Variants in MFSD11 observed in about 807,000 individuals in gnomAD.
MFSD11 encodes the protein major facilitator superfamily domain containing 11, also known as UNC93-like protein MFSD11.
MFSD11 carries 36 observed loss-of-function variants against 53.5 expected under a neutral mutation model. That is an observed-to-expected ratio of 0.67 (90% CI 0.52 to 0.89). The LOEUF (loss-of-function observed/expected upper bound fraction) is 0.89. MFSD11 is among the 40% of genes least tolerant of loss of function. The pLI is 0.00. For missense variants in MFSD11, 530 were observed against 543.9 expected (o/e 0.97, Z 0.25); for synonymous variants, 186 against 184.9 (o/e 1.01, Z -0.05).
chr17:76,802,388 C>G, the MFSD11 span, among the ~76,000 whole-genome samples: 9 of 152,210 alleles, frequency 5.9e-5, no homozygotes, highest in Non-Finnish European at 1.0e-4. Context: ...AATGGTACAT[C>G]TATTTTGGAA....
the MFSD11 span, among the ~76,000 whole-genome samples, chr17:76,789,884 G>A: frequency 1.3e-5 from 2 of 149,932 alleles, no homozygotes; most frequent in African/African-American, 4.9e-5. Flanking sequence ...TGCAGAGTTT[G>A]GTTTTGTTCA....
chr17:76,737,609 A>G, upstream of MFSD11: 1 of 214,886 alleles, frequency 4.7e-6, no homozygotes, highest in Non-Finnish European at 9.4e-6. Flanking sequence ...GCGATTGGGC[A>G]GGAGGAAGAG....
intron 11 of MFSD11, 83 bp downstream of exon 11, chr17:76,775,254 T>A: frequency 2.3e-6 from 3 of 1,318,392 alleles, no homozygotes; most frequent in Non-Finnish European, 3.2e-6. Context: ...GAGCAGTTAA[T>A]CCTCTTCAGA....
chr17:76,753,258 G>A (rs545450106), intron 7 of MFSD11, among the ~76,000 whole-genome samples: 5 of 148,456 alleles, frequency 3.4e-5, no homozygotes, highest in Non-Finnish European at 7.3e-5. Context: ...CACATCCAAA[G>A]TAACCACCTC....
intron 8 of MFSD11, among the ~76,000 whole-genome samples, chr17:76,755,105 T>A (rs1239840838): frequency 6.6e-6 from 1 of 151,750 alleles, no homozygotes; most frequent in East Asian, 1.9e-4. Context: ...TGGTCCCAGC[T>A]ATTTGGGAGA....
At chr17:76,744,906 G>A (rs1488671176) in intron 7 of MFSD11, among the ~76,000 whole-genome samples, 1 of 152,208 alleles carries the variant, frequency 6.6e-6, no homozygotes, top group Admixed American at 6.5e-5. Context: ...TGTCACAGAT[G>A]AACCTTGGTT....
chr17:76,737,198 C>G (rs753168772), upstream of MFSD11: 276 of 1,508,664 alleles, frequency 1.8e-4, no homozygotes, highest in Admixed American at 2.3e-4. Flanking sequence ...CGAACTGGCG[C>G]CGGCTTCCTC....
At chr17:76,792,418 G>A in the MFSD11 span, among the ~76,000 whole-genome samples, 1 of 150,418 alleles carries the variant, frequency 6.6e-6, no homozygotes, top group Non-Finnish European at 1.5e-5. Context: ...TGCACCCGGT[G>A]TAGGCGTTCT....
chr17:76,783,283 GTGTT>G (rs561702967), downstream of MFSD11, among the ~76,000 whole-genome samples: 121 of 152,222 alleles, frequency 7.9e-4, no homozygotes, highest in South Asian at 0.013. Context: ...TCTCCCATGG[GTGTT>G]TGTTTGTGTG....
At chr17:76,758,020 C>A (rs1221805219) in intron 8 of MFSD11, among the ~76,000 whole-genome samples, 1 of 150,522 alleles carries the variant, frequency 6.6e-6, no homozygotes, top group African/African-American at 2.4e-5. Flanking sequence ...AAAAAAAAAA[C>A]AAAAAATGTT....
At chr17:76,765,565 C>T (rs552064748) in intron 8 of MFSD11, among the ~76,000 whole-genome samples, 1 of 149,108 alleles carries the variant, frequency 6.7e-6, no homozygotes, top group Non-Finnish European at 1.5e-5. Flanking sequence ...CAGGCTCAAG[C>T]GATCCTCCCA....
chr17:76,736,742 G>T (rs997214274), upstream of MFSD11: 22 of 1,389,460 alleles, frequency 1.6e-5, no homozygotes, highest in African/African-American at 4.6e-5. Flanking sequence ...TTGTGAGGTC[G>T]CCCGGGCCTC....
At chr17:76,769,978 C>A in intron 10 of MFSD11, 107 bp downstream of exon 10, 13 of 923,732 alleles carry the variant, frequency 1.4e-5, no homozygotes, top group African/African-American at 3.6e-5. Flanking sequence ...GTTTTTTCTA[C>A]TTATTTTTAC....
chr17:76,763,159 A>C (rs550799679), intron 8 of MFSD11, among the ~76,000 whole-genome samples: 1 of 152,332 alleles, frequency 6.6e-6, no homozygotes, highest in South Asian at 2.1e-4. Flanking sequence ...CTGACTGCTT[A>C]GCCTGTGGGG....
chr17:76,767,068 G>A (rs566908768), intron 8 of MFSD11: 49 of 239,262 alleles, frequency 2.0e-4, no homozygotes, highest in Non-Finnish European at 2.0e-4. Context: ...AGAGCCTAAC[G>A]GTTAATCATG....
the MFSD11 span, among the ~76,000 whole-genome samples, chr17:76,788,761 G>C: frequency 6.7e-6 from 1 of 149,032 alleles, no homozygotes; most frequent in Non-Finnish European, 1.5e-5. Flanking sequence ...GCTGAGGCAG[G>C]AGAATCACTT....
downstream of MFSD11, chr17:76,781,511 T>G (rs2082163459): frequency 6.6e-6 from 1 of 152,210 alleles, no homozygotes; most frequent in South Asian, 2.1e-4. Context: ...CCTGTCACAC[T>G]GAGACTTACA....
At chr17:76,799,899 T>C in the MFSD11 span, among the ~76,000 whole-genome samples, 1 of 152,088 alleles carries the variant, frequency 6.6e-6, no homozygotes, top group African/African-American at 2.4e-5. Flanking sequence ...GCATTTCTTC[T>C]TGCTATTCCA....
In MFSD11 at chr17:76,769,858, T is replaced by C; in HGVS notation, c.861T>C (p.Ile287=). The C allele has an allele frequency of 6.2e-7, 1 of 1,607,250 alleles. No homozygotes were observed. The highest frequency in any genetic ancestry group is 8.5e-7 in the Non-Finnish European group (1 of 1,178,580). The stretch of plus-strand genomic sequence containing the variant: ...GACTTTCTGGCATTTTCATCGGCAT[T>C]GGAGAAATTTTAGGTTGGTTTTAAA... ...LIGLSGIFIG[I]GEILGGSLFG... The change falls in exon 10 of 13, where the codon ATT becomes ATC. Residue 287 remains isoleucine, a synonymous_variant. Coordinates refer to ENST00000685175, the MANE Select transcript of MFSD11 (RefSeq NM_001242532.5).
Sources: allele counts gnomAD v4.1 joint callset (sites outside exome capture counted in the v4.1 genomes callset), GRCh38; gene constraint gnomAD v4.1.1; transcripts MANE v1.5; gene names NCBI Gene and HGNC (gene_info 2026-07-23, HGNC 2026-07-21).